FHIT: variants seen among roughly 807,000 people sequenced by gnomAD.
FHIT encodes bis(5'-adenosyl)-triphosphatase.
Under a neutral mutation model 17.9 loss-of-function variants are expected in FHIT, and 19 were observed. The observed-to-expected ratio is 1.06, with a 90% CI of 0.74 to 1.56. The LOEUF (loss-of-function observed/expected upper bound fraction) is 1.56, where lower values mean the gene tolerates loss of function less well. FHIT is among the 40% of genes most tolerant of loss of function. The pLI is 0.00. For synonymous variants in FHIT, 81 were observed against 69.7 expected, an observed-to-expected ratio of 1.16 and a Z score of -0.81; for missense variants, 248 against 189.2, an observed-to-expected ratio of 1.31 and a Z score of -1.82.
intron 8 of FHIT, among the ~76,000 whole-genome samples, chr3:59,760,551 C>T (rs1701458883): frequency 7.2e-6 from 1 of 138,020 alleles, no homozygotes; most frequent in Non-Finnish European, 1.5e-5. Flanking sequence ...GGAGTACGCC[C>T]ATGCCATCAA....
chr3:59,939,105 C>G (rs1336902381), intron 7 of FHIT, among the ~76,000 whole-genome samples: 2 of 152,168 alleles, frequency 1.3e-5, no homozygotes, highest in African/African-American at 4.8e-5. Flanking sequence ...AGCACCAACC[C>G]TCATTTTTCT....
chr3:60,155,781 C>T (rs574688358), intron 5 of FHIT, among the ~76,000 whole-genome samples: 93 of 152,202 alleles, frequency 6.1e-4, no homozygotes, highest in Non-Finnish European at 9.9e-4. Flanking sequence ...TGGAGAATCG[C>T]AGAAGTGAAA....
intron 8 of FHIT, among the ~76,000 whole-genome samples, chr3:59,878,908 G>C (rs778196573): frequency 5.9e-5 from 9 of 151,798 alleles, no homozygotes; most frequent in Non-Finnish European, 1.2e-4. Flanking sequence ...TACTCCCCTT[G>C]TTCATATCTT....
intron 7 of FHIT, among the ~76,000 whole-genome samples, chr3:59,961,921 TC>T (rs900456341): frequency 2.0e-5 from 3 of 146,720 alleles, no homozygotes; most frequent in Non-Finnish European, 1.5e-5. Context: ...CTGTGGGCTT[TC>T]CTAAGAGACA....
intron 3 of FHIT, among the ~76,000 whole-genome samples, chr3:60,846,586 T>G: frequency 6.6e-6 from 1 of 152,132 alleles, no homozygotes; most frequent in East Asian, 1.9e-4. Flanking sequence ...TCAGTTGAGT[T>G]AGAATAAAGA....
intron 7 of FHIT, among the ~76,000 whole-genome samples, chr3:59,998,103 T>C (rs1308405292): frequency 1.3e-5 from 2 of 152,150 alleles, no homozygotes; most frequent in African/African-American, 4.8e-5. Flanking sequence ...CACTATGAAA[T>C]CTGCTTTATC....
At chr3:60,924,689 C>A (rs1263342488) in intron 3 of FHIT, among the ~76,000 whole-genome samples, 1 of 152,050 alleles carries the variant, frequency 6.6e-6, no homozygotes, top group Admixed American at 6.5e-5. Flanking sequence ...TCACAAGCAA[C>A]GGAACAAAGC....
intron 5 of FHIT, among the ~76,000 whole-genome samples, chr3:60,070,719 A>C (rs1448364760): frequency 2.6e-5 from 4 of 152,232 alleles, no homozygotes; most frequent in African/African-American, 9.6e-5. Flanking sequence ...GCCTCTGTTC[A>C]ATATAAGGAT....
At position 60,816,053 on chromosome 3, in the gene FHIT, G is replaced by T. The variant is rs903454583; in HGVS notation, c.-18+5866C>A. On this transcript the variant is annotated intron_variant, in intron 4 of 9. Transcript: ENST00000492590. ...TTGGCTCGCAAGTTGAACATTATTG[G>T]TGTACAGAAATGCTACTGATTTCTG... 5.9e-5 allele frequency among the ~76,000 whole-genome samples: 9 copies of T among 151,948 alleles called. No homozygotes were observed. The South Asian group carries it at 8.3e-4, about 14-fold the overall frequency.
chr3:60,640,880 G>A (rs2039708493), intron 4 of FHIT, among the ~76,000 whole-genome samples: 2 of 152,122 alleles, frequency 1.3e-5, no homozygotes, highest in Admixed American at 1.3e-4. Flanking sequence ...TTAAACATCA[G>A]CAAAAAAGAA....
chr3:59,945,488 TA>T (rs1284686390), intron 7 of FHIT, among the ~76,000 whole-genome samples: 1 of 152,134 alleles, frequency 6.6e-6, no homozygotes, highest in Non-Finnish European at 1.5e-5. Context: ...ACTCTGTTGA[TA>T]GTTTCTTTTG....
chr3:61,210,668 C>T (rs899134720), intron 1 of FHIT, among the ~76,000 whole-genome samples: 28 of 152,150 alleles, frequency 1.8e-4, no homozygotes, highest in Admixed American at 1.0e-3. Flanking sequence ...TGCAGTATTA[C>T]GGTGGGAGTG....
rs563459399 is a variant in FHIT, at chr3:60,478,137, C to A, written c.103+58723G>T. Among the ~76,000 whole-genome samples the A allele has an allele frequency of 1.7e-3, 253 of 152,248 alleles. 3 individuals carry two copies. Among genetic ancestry groups the A allele is most frequent in the South Asian group, 0.016 (78 of 4,812 alleles). On this transcript the variant is annotated intron_variant, in intron 5 of 9. Coordinates refer to ENST00000492590, the MANE Select transcript of FHIT (RefSeq NM_002012.4). ...TAATATGCCAGGCACTGGATAAGCG[C>A]CCTATTTCACTACCAAACATAATTC...
rs1467941577 is a variant in FHIT, at chr3:59,921,198, T to C, written c.348+1148A>G. On this transcript the variant is annotated intron_variant, in intron 8 of 9. Transcript: ENST00000492590. ...CGGAATCCAATGTGTTCCAGAAACA[T>C]TAATTATACGTTTCATTATTAACTG... is the stretch of plus-strand genomic sequence containing the variant. 2.6e-5 allele frequency among the ~76,000 whole-genome samples: 4 copies of C among 152,198 alleles called. No homozygotes were observed. The East Asian group carries it at 7.7e-4, about 29-fold the overall frequency.
chr3:60,184,417 T>C (rs931853751), intron 5 of FHIT, among the ~76,000 whole-genome samples: 7 of 152,186 alleles, frequency 4.6e-5, no homozygotes, highest in African/African-American at 1.4e-4. Context: ...ATGACCTTAA[T>C]AGTACTGAGG....
intron 8 of FHIT, among the ~76,000 whole-genome samples, chr3:59,894,247 AAAAC>A (rs987167218): frequency 2.0e-5 from 3 of 152,192 alleles, no homozygotes; most frequent in African/African-American, 4.8e-5. Flanking sequence ...CCTTTCTCAA[AAAAC>A]AAACAAACAA....
intron 7 of FHIT, among the ~76,000 whole-genome samples, chr3:59,931,531 G>A (rs1237342374): frequency 6.6e-6 from 1 of 152,158 alleles, no homozygotes; most frequent in Non-Finnish European, 1.5e-5. Context: ...TACTGTCAAT[G>A]AGCTCCTTCA....
chr3:60,269,384 G>A (rs553008430), intron 5 of FHIT, among the ~76,000 whole-genome samples: 4 of 152,074 alleles, frequency 2.6e-5, no homozygotes, highest in Non-Finnish European at 5.9e-5. Context: ...TTCTTTTACT[G>A]ACCAGAAGCT....
At chr3:60,780,286 T>A (rs1352863308) in intron 4 of FHIT, among the ~76,000 whole-genome samples, 3 of 152,156 alleles carry the variant, frequency 2.0e-5, no homozygotes, top group Admixed American at 1.3e-4. Context: ...GTCTCCATAC[T>A]ACAAGGCACT....
Sources: allele counts gnomAD v4.1 joint callset (sites outside exome capture counted in the v4.1 genomes callset), GRCh38; gene constraint gnomAD v4.1.1; transcripts MANE v1.5; gene names NCBI Gene and HGNC (gene_info 2026-07-23, HGNC 2026-07-21).